Variants in CRPPA observed in about 807,000 individuals in gnomAD.
CRPPA encodes the protein CDP-L-ribitol pyrophosphorylase A.
Under a neutral mutation model 52.0 loss-of-function variants are expected in CRPPA, and 43 were observed. The ratio of observed to expected loss-of-function variants is 0.83; its 90% CI spans 0.65 to 1.07. The LOEUF (loss-of-function observed/expected upper bound fraction) is 1.07, where lower values mean the gene tolerates loss of function less well. Among genes scored for constraint, CRPPA ranks in the 50% least tolerant of loss-of-function variants. CRPPA has a pLI of 0.00. For missense variants in CRPPA, 629 were observed against 551.7 expected, an observed-to-expected ratio of 1.14 and a Z score of -1.40; for synonymous variants, 250 against 203.5, an observed-to-expected ratio of 1.23 and a Z score of -1.94.
intron 8 of CRPPA, among the ~76,000 whole-genome samples, chr7:16,248,844 C>G (rs573688482): frequency 2.6e-5 from 4 of 152,252 alleles, no homozygotes; most frequent in Non-Finnish European, 5.9e-5. Flanking sequence ...CTTGGAGGAA[C>G]AGTATACTCT....
At chr7:16,132,538 GAA>G (rs1782698571) in intron 9 of CRPPA, among the ~76,000 whole-genome samples, 1 of 124,498 alleles carries the variant, frequency 8.0e-6, no homozygotes. Flanking sequence ...AATGAGGTTA[GAA>G]AGAGGTAGAA....
intron 9 of CRPPA, among the ~76,000 whole-genome samples, chr7:16,184,028 G>A (rs1337787196): frequency 2.6e-5 from 4 of 151,920 alleles, no homozygotes; most frequent in African/African-American, 9.7e-5. Context: ...TGCAAGCTCC[G>A]CCTCCCTGGT....
intron 3 of CRPPA, among the ~76,000 whole-genome samples, chr7:16,316,792 G>T (rs1785153955): frequency 6.6e-6 from 1 of 152,098 alleles, no homozygotes; most frequent in South Asian, 2.1e-4. Context: ...GGGAGTTCGA[G>T]GCTGCAGTGA....
intron 9 of CRPPA, among the ~76,000 whole-genome samples, chr7:16,157,027 T>C (rs1783196529): frequency 6.6e-6 from 1 of 152,178 alleles, no homozygotes; most frequent in African/African-American, 2.4e-5. Context: ...TTTTTTGTTT[T>C]GTTACTCCCA....
chr7:16,152,793 A>G (rs1312720270), intron 9 of CRPPA, among the ~76,000 whole-genome samples: 1 of 151,982 alleles, frequency 6.6e-6, no homozygotes, highest in Non-Finnish European at 1.5e-5. Flanking sequence ...TTTTTTCTGT[A>G]GCACCAATAC....
intron 2 of CRPPA, among the ~76,000 whole-genome samples, chr7:16,397,232 A>T (rs1385735901): frequency 6.6e-6 from 1 of 152,236 alleles, no homozygotes; most frequent in Non-Finnish European, 1.5e-5. Flanking sequence ...TGATACGAAC[A>T]TAACATGTAA....
At chr7:16,344,829 CA>C (rs375662926) in intron 3 of CRPPA, among the ~76,000 whole-genome samples, 2,456 of 137,520 alleles carry the variant, frequency 0.018, 44 homozygotes, top group African/African-American at 0.052. Flanking sequence ...AATAGAAGGA[CA>C]AAAAAAAAAG....
At chr7:16,355,859 T>G (rs1786281151) in intron 3 of CRPPA, among the ~76,000 whole-genome samples, 1 of 152,198 alleles carries the variant, frequency 6.6e-6, no homozygotes, top group South Asian at 2.1e-4. Flanking sequence ...CATCTGCTGA[T>G]GGTTCTCATT....
chr7:16,283,635 G>A (rs930786607), intron 5 of CRPPA, among the ~76,000 whole-genome samples: 46 of 151,444 alleles, frequency 3.0e-4, no homozygotes, highest in African/African-American at 8.9e-4. Context: ...TAATTTTGGG[G>A]GTAATTTTCC....
intron 4 of CRPPA, among the ~76,000 whole-genome samples, chr7:16,303,499 A>AAAAAAAAAAAAAAAAAAAAAAC (rs1562619571): frequency 6.7e-6 from 1 of 148,368 alleles, no homozygotes; most frequent in African/African-American, 2.5e-5. Context: ...AAAAAAAAAA[A>AAAAAAAAAAAAAAAAAAAAAAC]AAAACTTTCA....
chr7:16,247,930 G>A (rs1287213514), intron 8 of CRPPA: 1 of 151,940 alleles, frequency 6.6e-6, no homozygotes, highest in Admixed American at 6.6e-5. Context: ...GCCATTCACT[G>A]GGACACACGA....
intron 2 of CRPPA, among the ~76,000 whole-genome samples, chr7:16,381,701 A>C (rs939119637): frequency 6.6e-6 from 1 of 151,838 alleles, no homozygotes; most frequent in African/African-American, 2.4e-5. Context: ...TATATTTAGG[A>C]TAGTTAGCTC....
rs138255395 is a variant in CRPPA, at chr7:16,215,180, A to G, written c.1251+886T>C. 2.0e-5 allele frequency among the ~76,000 whole-genome samples: 3 copies of G among 152,356 alleles called. No homozygotes were observed. The East Asian group carries it at 5.8e-4, about 29-fold the overall frequency. On this transcript the variant is annotated intron_variant, in intron 9 of 9. Transcript: ENST00000407010. ...CAATAGCTGTTATTTGCCACCCACA[A>G]ATAAGTTTAAATACCTGTCATTCAC...
intron 9 of CRPPA, among the ~76,000 whole-genome samples, chr7:16,173,360 C>T (rs1192387924): frequency 2.0e-5 from 3 of 152,160 alleles, no homozygotes; most frequent in African/African-American, 4.8e-5. Context: ...AATAATATGG[C>T]AAGCATTCTT....
chr7:16,320,492 C>T (rs564717324), intron 3 of CRPPA, among the ~76,000 whole-genome samples: 28 of 152,086 alleles, frequency 1.8e-4, no homozygotes, highest in African/African-American at 6.7e-4. Flanking sequence ...CATAATGGTC[C>T]ACGGCTACAG....
intron 3 of CRPPA, among the ~76,000 whole-genome samples, chr7:16,326,452 G>C (rs1785391800): frequency 6.6e-6 from 1 of 152,188 alleles, no homozygotes; most frequent in South Asian, 2.1e-4. Context: ...CAGTCAAAGA[G>C]CTCTGTTCCT....
chr7:16,378,386 T>G (rs977018439), intron 2 of CRPPA, among the ~76,000 whole-genome samples: 1 of 150,978 alleles, frequency 6.6e-6, no homozygotes, highest in African/African-American at 2.4e-5. Flanking sequence ...TTGCGATAGT[T>G]TACTGAGAAT....
At chr7:16,335,555 C>T (rs2128431498) in intron 3 of CRPPA, among the ~76,000 whole-genome samples, 1 of 152,198 alleles carries the variant, frequency 6.6e-6, no homozygotes, top group Middle Eastern at 3.4e-3. Flanking sequence ...GAACAGTGAA[C>T]TCACAGAGAG....
At chr7:16,305,416 A>C (rs1237497871) in intron 4 of CRPPA, among the ~76,000 whole-genome samples, 1 of 152,234 alleles carries the variant, frequency 6.6e-6, no homozygotes, top group Admixed American at 6.5e-5. Flanking sequence ...GCATGGCATT[A>C]TTCAAATCTC....
Sources: allele counts gnomAD v4.1 joint callset (sites outside exome capture counted in the v4.1 genomes callset), GRCh38; gene constraint gnomAD v4.1.1; transcripts MANE v1.5; gene names NCBI Gene and HGNC (gene_info 2026-07-23, HGNC 2026-07-21).